Variants in STAM2 observed in about 807,000 individuals in gnomAD.
STAM2 encodes the protein signal transducing adaptor molecule 2.
In STAM2, 51 loss-of-function variants were observed where a neutral mutation model predicts 65.6. The ratio of observed to expected loss-of-function variants is 0.78; its 90% CI spans 0.62 to 0.98. STAM2 has a LOEUF of 0.98. Among genes scored for constraint, STAM2 ranks in the 50% least tolerant of loss-of-function variants. STAM2 has a pLI of 0.00. For synonymous variants in STAM2, 198 were observed against 208.4 expected (o/e 0.95, Z 0.43); for missense variants, 584 against 617.8 (o/e 0.95, Z 0.58).
chr2:152,160,261 C>T (rs1321238334), intron 1 of STAM2, among the ~76,000 whole-genome samples: 1 of 150,814 alleles, frequency 6.6e-6, no homozygotes, highest in Non-Finnish European at 1.5e-5. Context: ...TCTGCCCGGC[C>T]GCCATCCCAT....
intron 6 of STAM2, chr2:152,144,593 C>G (rs1260865317): frequency 4.0e-6 from 1 of 252,596 alleles, no homozygotes; most frequent in Admixed American, 5.4e-5. Flanking sequence ...GGCTGGAGCA[C>G]AGTGGTGCCA....
In STAM2 at chr2:152,148,293, C is replaced by T; in HGVS notation, c.133G>A (p.Asp45Asn). 6.2e-7 allele frequency: 1 copy of T among 1,601,056 alleles called. No homozygotes were observed. Among genetic ancestry groups the T allele is most frequent in the Non-Finnish European group, 8.5e-7 (1 of 1,175,324 alleles). Residue 45 changes from aspartate (D) to asparagine (N), a missense_variant, in exon 3 of 14, where the codon GAT (aspartate) becomes AAT (asparagine). By Grantham distance (23) the Asp-to-Asn change is conservative (BLOSUM62 1). Coordinates refer to ENST00000263904, the MANE Select transcript of STAM2 (RefSeq NM_005843.6). ...KVGSTPNGAK[D>N]CLKAIMKRVN... ...CTTTTCATTATGGCTTTTAGGCAAT[C>T]TTTCGCTCTAAAAAAAAAAAGAGAG...
At chr2:152,144,479 G>T (rs1372494962) in intron 6 of STAM2, among the ~76,000 whole-genome samples, 2 of 151,992 alleles carry the variant, frequency 1.3e-5, no homozygotes, top group East Asian at 3.8e-4. Flanking sequence ...TAGATTTGAG[G>T]TAAAAATAAA....
intron 1 of STAM2, among the ~76,000 whole-genome samples, chr2:152,155,585 C>A (rs1689527630): frequency 6.6e-6 from 1 of 152,180 alleles, no homozygotes; most frequent in Non-Finnish European, 1.5e-5. Flanking sequence ...GCTTCAAAAG[C>A]TTCTTAGATA....
At chr2:152,152,017 G>A (rs1298848402) in intron 1 of STAM2, among the ~76,000 whole-genome samples, 2 of 152,056 alleles carry the variant, frequency 1.3e-5, no homozygotes, top group Non-Finnish European at 2.9e-5. Context: ...ACAACTCACT[G>A]CAGCCTTTAT....
At chr2:152,149,330 A>G (rs10184862) in intron 2 of STAM2, among the ~76,000 whole-genome samples, 58,161 of 151,822 alleles carry the variant, frequency 0.38, 12,110 homozygotes, top group East Asian at 0.83. Context: ...TTTCATGTAA[A>G]TTAATCCCAT....
At chr2:152,131,326 G>T (rs1040553392) in intron 11 of STAM2, among the ~76,000 whole-genome samples, 1 of 151,948 alleles carries the variant, frequency 6.6e-6, no homozygotes. Flanking sequence ...GGTGGTGCAC[G>T]CCTGTAATCC....
intron 1 of STAM2, among the ~76,000 whole-genome samples, chr2:152,174,212 G>A (rs1252271702): frequency 1.3e-5 from 2 of 152,138 alleles, no homozygotes; most frequent in African/African-American, 4.8e-5. Flanking sequence ...CGGTTTTTAA[G>A]TTTTAAAATC....
intron 1 of STAM2, among the ~76,000 whole-genome samples, chr2:152,160,472 G>C (rs1395212467): frequency 6.6e-6 from 1 of 151,540 alleles, no homozygotes; most frequent in Non-Finnish European, 1.5e-5. Flanking sequence ...CGTCTGAGAA[G>C]TGAGGAGCCC....
At chr2:152,170,734 G>A (rs1043925040) in intron 1 of STAM2, among the ~76,000 whole-genome samples, 5 of 151,784 alleles carry the variant, frequency 3.3e-5, no homozygotes, top group Non-Finnish European at 7.4e-5. Flanking sequence ...GGTGGCTCAC[G>A]CCTGTAATCC....
chr2:152,142,973 T>C (rs1229071857), intron 7 of STAM2, among the ~76,000 whole-genome samples: 1 of 152,198 alleles, frequency 6.6e-6, no homozygotes, highest in Non-Finnish European at 1.5e-5. Context: ...GTAAATCTGC[T>C]ATCTGGGCTC....
At chr2:152,135,816 G>A (rs955608182) in intron 7 of STAM2, among the ~76,000 whole-genome samples, 26 of 152,232 alleles carry the variant, frequency 1.7e-4, no homozygotes, top group African/African-American at 5.5e-4. Context: ...CCAGCCAGGC[G>A]CAGTGGCTCA....
rs1426812969 is a variant in STAM2, at chr2:152,161,239, A to T, written c.41-11010T>A. Among the ~76,000 whole-genome samples, 466 of 151,612 alleles carry T rather than the reference A, an allele frequency of 3.1e-3. 4 individuals are homozygous for T. Among genetic ancestry groups the T allele is most frequent in the African/African-American group, 0.01 (427 of 41,334 alleles). The stretch of plus-strand genomic sequence containing the variant: ...TCTGAAACATGTGCTGTGTCCACTC[A>T]GGGTTGAATGGATTAAGGGCGGTGC... On this transcript the variant is annotated intron_variant, in intron 1 of 13. Coordinates refer to ENST00000263904, the MANE Select transcript of STAM2 (RefSeq NM_005843.6).
chr2:152,162,921 A>T (rs148562169), intron 1 of STAM2, among the ~76,000 whole-genome samples: 2,977 of 152,186 alleles, frequency 0.02, 73 homozygotes, highest in African/African-American at 0.055. Flanking sequence ...CAGCCTCCCA[A>T]AGTGCTGGGA....
chr2:152,156,174 C>G (rs1579328881), intron 1 of STAM2, among the ~76,000 whole-genome samples: 1 of 152,242 alleles, frequency 6.6e-6, no homozygotes, highest in South Asian at 2.1e-4. Flanking sequence ...TCTAATTAGA[C>G]TATTGTTTAT....
chr2:152,158,648 T>C (rs933528509), intron 1 of STAM2, among the ~76,000 whole-genome samples: 6 of 151,992 alleles, frequency 3.9e-5, no homozygotes, highest in African/African-American at 1.5e-4. Context: ...TCTTAGTCTG[T>C]TTTACACTGC....
chr2:152,151,605 C>CTAATT (rs1455504189), intron 1 of STAM2, among the ~76,000 whole-genome samples: 3 of 152,204 alleles, frequency 2.0e-5, no homozygotes. Context: ...ACACCAGTAT[C>CTAATT]TAATTTGAGA....
intron 1 of STAM2, among the ~76,000 whole-genome samples, chr2:152,153,625 T>C (rs1239807162): frequency 6.6e-6 from 1 of 152,138 alleles, no homozygotes; most frequent in African/African-American, 2.4e-5. Context: ...AAGTTCTAAA[T>C]CCAGGCACCA....
At chr2:152,173,827 C>T (rs922187590) in intron 1 of STAM2, among the ~76,000 whole-genome samples, 4 of 152,164 alleles carry the variant, frequency 2.6e-5, no homozygotes, top group African/African-American at 9.7e-5. Flanking sequence ...TTTTCTAATT[C>T]CATTCTCTTG....
Sources: allele counts gnomAD v4.1 joint callset (sites outside exome capture counted in the v4.1 genomes callset), GRCh38; gene constraint gnomAD v4.1.1; transcripts MANE v1.5; gene names NCBI Gene and HGNC (gene_info 2026-07-23, HGNC 2026-07-21).